Variants in UGGT2 observed in about 807,000 individuals in gnomAD.
UGGT2 encodes UDP-glucose:glycoprotein glucosyltransferase 2.
In UGGT2, 180 loss-of-function variants were observed where a neutral mutation model predicts 192.1. That is an observed-to-expected ratio of 0.94 (90% CI 0.83 to 1.06). The LOEUF is 1.06. UGGT2 is among the 50% of genes least tolerant of loss of function. The pLI, the probability that UGGT2 is intolerant of heterozygous loss-of-function variation, is 0.00. For missense variants in UGGT2, 1,849 were observed against 1,795.7 expected, an observed-to-expected ratio of 1.03 and a Z score of -0.54; for synonymous variants, 580 against 591.0, an observed-to-expected ratio of 0.98 and a Z score of 0.27.
chr13:96,022,668 A>C (rs1015037773), intron 4 of UGGT2, among the ~76,000 whole-genome samples: 2 of 151,932 alleles, frequency 1.3e-5, no homozygotes, highest in Non-Finnish European at 2.9e-5. Flanking sequence ...AAAGCAAAAA[A>C]ATAGTTTTGA....
Position 95,859,593 on chromosome 13 carries a change from T to A in UGGT2, c.3823A>T (p.Lys1275Ter), listed in dbSNP as rs1889960591. 1 of 1,608,246 alleles carries A rather than the reference T, an allele frequency of 6.2e-7. No individual in the cohort carries two copies. Among genetic ancestry groups the A allele is most frequent in the East Asian group, 2.2e-5 (1 of 44,642 alleles). The change falls in exon 33 of 39, where the codon AAA (lysine) becomes TAA (stop). Residue 1275 changes from lysine (K) to a stop codon, truncating the protein, a stop_gained and splice_region_variant. Coordinates refer to ENST00000376747, the MANE Select transcript of UGGT2 (RefSeq NM_020121.4). LOFTEE classifies it high-confidence loss of function. ...TACAAAAAAAGCTATGTACTTACTT[T>A]AAATGTCGGTGAGAGATAATTTTTT... The part of the protein sequence containing the change: ...LLKNYLSPTF[K>*]EVIPHMAKEY...
chr13:95,975,993 A>C (rs1203293065), intron 10 of UGGT2, among the ~76,000 whole-genome samples: 1 of 152,096 alleles, frequency 6.6e-6, no homozygotes, highest in Non-Finnish European at 1.5e-5. Context: ...CTTCCAGTTA[A>C]AGTATACAAT....
In UGGT2 at chr13:95,902,951, T is replaced by A. The variant is rs1482194866; in HGVS notation, c.2405A>T (p.Lys802Met). ...RGILAAFLTQ[K>M]NMFLRSFLGQ... ...AAGAAAGCTTCTCAAAAACATGTTC[T>A]TCTGTGTAAGAAAAGCTGCCAAAAT... is the stretch of plus-strand genomic sequence containing the variant. Residue 802 changes from lysine to methionine, a missense_variant, in exon 21 of 39, where the codon AAG (lysine) becomes ATG (methionine). Transcript: ENST00000376747. The A allele has an allele frequency of 4.3e-6, 7 of 1,613,624 alleles. No homozygotes were observed. In the Middle Eastern group the frequency reaches 9.9e-4, roughly 228 times the overall value.
intron 25 of UGGT2, among the ~76,000 whole-genome samples, chr13:95,888,872 G>A (rs1419255381): frequency 2.0e-5 from 3 of 151,648 alleles, no homozygotes; most frequent in African/African-American, 4.9e-5. Flanking sequence ...AGACTGCAGT[G>A]GTGTGATCAT....
intron 5 of UGGT2, among the ~76,000 whole-genome samples, chr13:96,008,383 C>A (rs2052048641): frequency 6.6e-6 from 1 of 152,104 alleles, no homozygotes; most frequent in South Asian, 2.1e-4. Flanking sequence ...CTGGCCAGAG[C>A]AACCAGGCAA....
At chr13:95,991,822 G>C (rs1299068197) in intron 7 of UGGT2, among the ~76,000 whole-genome samples, 1 of 152,052 alleles carries the variant, frequency 6.6e-6, no homozygotes, top group Non-Finnish European at 1.5e-5. Flanking sequence ...TATTCATAAA[G>C]TACCTCAAAG....
intron 1 of UGGT2, among the ~76,000 whole-genome samples, chr13:96,036,399 T>C (rs1229185781): frequency 1.3e-5 from 2 of 151,922 alleles, no homozygotes; most frequent in Non-Finnish European, 2.9e-5. Context: ...CTGGACTCTG[T>C]TGGAAAGGTG....
At chr13:95,993,118 T>C (rs2051507029) in intron 7 of UGGT2, among the ~76,000 whole-genome samples, 1 of 152,134 alleles carries the variant, frequency 6.6e-6, no homozygotes, top group Non-Finnish European at 1.5e-5. Flanking sequence ...CGGTAGGCCA[T>C]TATCCTAAGT....
At chr13:95,961,870 T>C (rs1328441047) in intron 12 of UGGT2, among the ~76,000 whole-genome samples, 3 of 152,110 alleles carry the variant, frequency 2.0e-5, no homozygotes, top group South Asian at 2.1e-4. Flanking sequence ...TTTTTAGAAA[T>C]TGAAATCATA....
intron 27 of UGGT2, among the ~76,000 whole-genome samples, chr13:95,883,286 G>A (rs1437154985): frequency 2.6e-5 from 4 of 152,206 alleles, no homozygotes; most frequent in South Asian, 2.1e-4. Context: ...ACAGGTAAAT[G>A]TTTATGCTTC....
At chr13:95,893,076 T>G (rs1467320102) in intron 24 of UGGT2, among the ~76,000 whole-genome samples, 1 of 152,134 alleles carries the variant, frequency 6.6e-6, no homozygotes, top group Non-Finnish European at 1.5e-5. Context: ...GGAAAAAATA[T>G]AATTGTTTTT....
At chr13:95,871,029 C>T (rs1360374619) in intron 29 of UGGT2, among the ~76,000 whole-genome samples, 3 of 152,212 alleles carry the variant, frequency 2.0e-5, no homozygotes, top group African/African-American at 4.8e-5. Flanking sequence ...TTTGCTCAGT[C>T]ACAGGTATTC....
intron 38 of UGGT2, among the ~76,000 whole-genome samples, chr13:95,802,417 T>A (rs749556743): frequency 1.3e-5 from 2 of 152,206 alleles, no homozygotes; most frequent in African/African-American, 4.8e-5. Flanking sequence ...TTTAAATGCA[T>A]GCTGTTCCAC....
At chr13:96,049,182 C>A (rs2053412048) in intron 1 of UGGT2, among the ~76,000 whole-genome samples, 1 of 152,132 alleles carries the variant, frequency 6.6e-6, no homozygotes, top group Admixed American at 6.5e-5. Context: ...TCAACATATG[C>A]AAATCAATAA....
intron 5 of UGGT2, among the ~76,000 whole-genome samples, chr13:96,000,543 T>G (rs1041148901): frequency 6.6e-6 from 1 of 152,174 alleles, no homozygotes; most frequent in African/African-American, 2.4e-5. Context: ...AAGATGAAAA[T>G]TTTTTAGAGT....
At chr13:95,807,728 T>TTTTTTTTTTTG in intron 38 of UGGT2, among the ~76,000 whole-genome samples, 1 of 147,356 alleles carries the variant, frequency 6.8e-6, no homozygotes, top group Non-Finnish European at 1.5e-5. Context: ...TTTTTTTTTT[T>TTTTTTTTTTTG]TTTTTTTGCC....
chr13:95,845,220 C>T (rs1888272679), intron 36 of UGGT2, among the ~76,000 whole-genome samples: 2 of 151,350 alleles, frequency 1.3e-5, no homozygotes, highest in South Asian at 2.1e-4. Context: ...GGGTGTTTCT[C>T]GGAGAGCGGG....
At chr13:95,904,669 C>T (rs2048225281) in intron 20 of UGGT2, among the ~76,000 whole-genome samples, 1 of 152,034 alleles carries the variant, frequency 6.6e-6, no homozygotes, top group Non-Finnish European at 1.5e-5. Flanking sequence ...TGTATATGTG[C>T]CACATTTTCT....
intron 17 of UGGT2, among the ~76,000 whole-genome samples, chr13:95,928,630 G>T (rs1462067909): frequency 6.6e-6 from 1 of 151,118 alleles, no homozygotes; most frequent in Non-Finnish European, 1.5e-5. Context: ...CCACATCCCA[G>T]AAGGTGGGTA....
Sources: allele counts gnomAD v4.1 joint callset (sites outside exome capture counted in the v4.1 genomes callset), GRCh38; gene constraint gnomAD v4.1.1; transcripts MANE v1.5; gene names NCBI Gene and HGNC (gene_info 2026-07-23, HGNC 2026-07-21).